Variants in CSMD3 observed in about 807,000 individuals in gnomAD.
CSMD3 encodes CUB and sushi domain-containing protein 3.
A neutral mutation model predicts 435.2 loss-of-function variants in CSMD3; 177 were observed. The ratio of observed to expected loss-of-function variants is 0.41; its 90% CI spans 0.36 to 0.46. The LOEUF (loss-of-function observed/expected upper bound fraction) is 0.46. Ranked by LOEUF, CSMD3 falls within the 20% of genes least tolerant of loss-of-function variation. CSMD3 has a pLI of 0.34. For synonymous variants in CSMD3, 1,656 were observed against 1,520.5 expected, an observed-to-expected ratio of 1.09 and a Z score of -2.07; for missense variants, 4,265 against 4,504.6, an observed-to-expected ratio of 0.95 and a Z score of 1.52.
chr8:113,292,039 T>C (rs905424937), intron 2 of CSMD3, among the ~76,000 whole-genome samples: 7 of 151,814 alleles, frequency 4.6e-5, no homozygotes, highest in African/African-American at 1.7e-4. Flanking sequence ...TTACCATATT[T>C]TATAACTGTT....
At chr8:113,278,466 A>G (rs67089138) in intron 3 of CSMD3, 126 bp downstream of exon 3, 80,248 of 676,370 alleles carry the variant, frequency 0.12, 5,246 homozygotes, top group Middle Eastern at 0.18. Context: ...TAATAACAAG[A>G]TAAATTTCAG....
At chr8:113,302,755 G>T (rs1043800283) in intron 2 of CSMD3, among the ~76,000 whole-genome samples, 8 of 145,356 alleles carry the variant, frequency 5.5e-5, no homozygotes, top group African/African-American at 2.1e-4. Context: ...TTGATGGGAC[G>T]TATTTCAAAA....
intron 1 of CSMD3, among the ~76,000 whole-genome samples, chr8:113,427,840 T>A (rs553256397): frequency 6.6e-6 from 1 of 151,796 alleles, no homozygotes; most frequent in South Asian, 2.1e-4. Context: ...AAGGTTAAGA[T>A]ACCAAGTAAA....
intron 59 of CSMD3, among the ~76,000 whole-genome samples, chr8:112,279,013 A>AAACAACAAC (rs200149218): frequency 3.4e-5 from 4 of 119,122 alleles, no homozygotes; most frequent in African/African-American, 7.8e-5. Context: ...CACCCCCAAA[A>AAACAACAAC]AACAACAACA....
intron 66 of CSMD3, among the ~76,000 whole-genome samples, chr8:112,239,548 C>A (rs1460171875): frequency 2.6e-5 from 4 of 151,866 alleles, no homozygotes; most frequent in African/African-American, 9.7e-5. Flanking sequence ...TGGAACTTAC[C>A]AGTAGGGCCA....
At chr8:112,738,803 T>G (rs1228037280) in intron 13 of CSMD3, among the ~76,000 whole-genome samples, 1 of 151,780 alleles carries the variant, frequency 6.6e-6, no homozygotes, top group African/African-American at 2.4e-5. Context: ...GCAATAACTT[T>G]ATTTTAATGA....
intron 12 of CSMD3, among the ~76,000 whole-genome samples, chr8:112,803,386 T>A (rs1386111682): frequency 6.6e-6 from 1 of 152,222 alleles, no homozygotes; most frequent in African/African-American, 2.4e-5. Flanking sequence ...TTATCTGCCT[T>A]GTTTGAGGAA....
intron 4 of CSMD3, among the ~76,000 whole-genome samples, chr8:113,151,853 G>A (rs546924561): frequency 2.6e-5 from 4 of 151,882 alleles, no homozygotes; most frequent in Non-Finnish European, 4.4e-5. Flanking sequence ...GATTATGCCC[G>A]GTTTTGTCAA....
intron 1 of CSMD3, among the ~76,000 whole-genome samples, chr8:113,338,063 A>G (rs746045991): frequency 6.6e-5 from 10 of 152,162 alleles, no homozygotes; most frequent in Non-Finnish European, 1.3e-4. Context: ...TATTCAAAAT[A>G]TATAAATAAC....
intron 59 of CSMD3, among the ~76,000 whole-genome samples, chr8:112,277,627 A>G (rs1240867437): frequency 6.6e-6 from 1 of 152,092 alleles, no homozygotes; most frequent in African/African-American, 2.4e-5. Flanking sequence ...GTACCAATTT[A>G]CTGTATTAGT....
intron 6 of CSMD3, among the ~76,000 whole-genome samples, chr8:113,009,017 T>C (rs1327056773): frequency 6.6e-6 from 1 of 151,604 alleles, no homozygotes; most frequent in Non-Finnish European, 1.5e-5. Context: ...GAAATGTTAA[T>C]ATTTTTGCCA....
chr8:113,418,128 C>T (rs2094590996), intron 1 of CSMD3, among the ~76,000 whole-genome samples: 1 of 152,028 alleles, frequency 6.6e-6, no homozygotes, highest in African/African-American at 2.4e-5. Context: ...ATTGACCTTT[C>T]ATATTTCTCT....
At chr8:112,632,266 A>G (rs2131560711) in intron 22 of CSMD3, among the ~76,000 whole-genome samples, 1 of 152,172 alleles carries the variant, frequency 6.6e-6, no homozygotes, top group South Asian at 2.1e-4. Flanking sequence ...AATAACTATC[A>G]TCATATATCA....
intron 35 of CSMD3, among the ~76,000 whole-genome samples, chr8:112,397,906 A>C (rs780567603): frequency 6.6e-6 from 1 of 152,164 alleles, no homozygotes; most frequent in Admixed American, 6.5e-5. Context: ...TCCAGCATCA[A>C]CCATAAGTCT....
At chr8:112,697,089 G>C (rs1455111238) in intron 13 of CSMD3, among the ~76,000 whole-genome samples, 2 of 151,188 alleles carry the variant, frequency 1.3e-5, no homozygotes, top group African/African-American at 2.4e-5. Context: ...AGGTGCTGGA[G>C]AGGATGTGGA....
rs148261022 is a variant in CSMD3, at chr8:112,651,369, C to T, written c.3005-1020G>A. On this transcript the variant is annotated intron_variant, in intron 18 of 70. Coordinates refer to ENST00000297405, the MANE Select transcript of CSMD3 (RefSeq NM_198123.2). The stretch of plus-strand genomic sequence containing the variant: ...CAAAATAGAAGTTTAATTTTAAAGA[C>T]GGAAATTGTACATTTTAAGTGTATT... 3.5e-3 allele frequency among the ~76,000 whole-genome samples: 530 copies of T among 152,106 alleles called. 3 individuals carry two copies. The highest frequency in any genetic ancestry group is 0.012 in the African/African-American group (494 of 41,500).
intron 10 of CSMD3, among the ~76,000 whole-genome samples, chr8:112,872,810 T>C (rs1464686101): frequency 6.6e-6 from 1 of 151,884 alleles, no homozygotes; most frequent in African/African-American, 2.4e-5. Flanking sequence ...ATAAGACATA[T>C]TAAGAGGTGA....
chr8:112,391,005 T>C (rs1830367096), intron 35 of CSMD3, among the ~76,000 whole-genome samples: 1 of 149,984 alleles, frequency 6.7e-6, no homozygotes, highest in Non-Finnish European at 1.5e-5. Context: ...TTGAATGGCA[T>C]ATCTAAAAAT....
chr8:112,532,918 A>G (rs762479996), intron 27 of CSMD3, among the ~76,000 whole-genome samples: 1 of 152,156 alleles, frequency 6.6e-6, no homozygotes, highest in African/African-American at 2.4e-5. Context: ...ATATGGAAAG[A>G]TATAAGTTGA....
Sources: gnomAD v4.1 joint callset for allele counts (sites outside exome capture counted in the v4.1 genomes callset) on GRCh38, gnomAD v4.1.1 for gene constraint, MANE v1.5 for transcripts, NCBI Gene and HGNC (gene_info 2026-07-23, HGNC 2026-07-21) for gene names.